Variants in ZBTB46 observed in about 807,000 individuals in gnomAD.
ZBTB46 encodes zinc finger and BTB domain-containing protein 46.
ZBTB46 carries 8 observed loss-of-function variants against 44.1 expected under a neutral mutation model. The observed-to-expected ratio is 0.18, with a 90% CI of 0.11 to 0.33. ZBTB46 has a LOEUF of 0.33. Among genes scored for constraint, ZBTB46 ranks in the 10% least tolerant of loss-of-function variants. The probability of loss-of-function intolerance (pLI) is 1.00; values close to 1 mark genes in which losing one functional copy is unlikely to be tolerated. For missense variants in ZBTB46, 651 were observed against 847.7 expected (o/e 0.77, Z 2.88); for synonymous variants, 409 against 382.3 (o/e 1.07, Z -0.81).
In ZBTB46 at chr20:63,746,717, A is replaced by C; in HGVS notation, c.*213T>G. 1 of 695,060 alleles carries C rather than the reference A, an allele frequency of 1.4e-6. No individual in the cohort carries two copies. The highest frequency in any genetic ancestry group is 2.2e-6 in the Non-Finnish European group (1 of 460,388). The allele number at this position is 695,060 out of a possible 1,614,324, so 43.1% of individuals were successfully genotyped here. The stretch of plus-strand genomic sequence containing the variant: ...CAAACCCACCCTGTGCCCTCCCCCA[A>C]CTCACTTCATGTCTGGTCCCAGAGC... On this transcript the variant is annotated 3_prime_UTR_variant, in exon 5 of 5. Coordinates refer to ENST00000245663, the MANE Select transcript of ZBTB46 (RefSeq NM_001369741.1).
Position 63,767,516 on chromosome 20 carries a change from C to T in ZBTB46, c.1222+8162G>A, listed in dbSNP as rs2092330494. Among the ~76,000 whole-genome samples, 1 of 152,240 alleles carries T rather than the reference C, an allele frequency of 6.6e-6. No individual in the cohort carries two copies. Among genetic ancestry groups the T allele is most frequent in the Admixed American group, 6.5e-5 (1 of 15,282 alleles). On this transcript the variant is annotated intron_variant, in intron 3 of 4. Coordinates refer to ENST00000245663, the MANE Select transcript of ZBTB46 (RefSeq NM_001369741.1). This position sits in a 1 kb window ranked among gnomAD's most constrained non-coding sequence, Gnocchi z 5.0. ...GCGGCTGTTCGGTCACCCAGTTCCC[C>T]TCCTGCTCCCACACACTTGAGAGCT...
At chr20:63,769,222 G>A (rs991976015) in intron 3 of ZBTB46, 1 of 985,292 alleles carries the variant, frequency 1.0e-6, no homozygotes. Context: ...AGTTGCCCCA[G>A]ACAAAGCTGG....
rs560753196 is a variant in ZBTB46 at position 63,761,307 on chromosome 20, A to G, written c.1223-8446T>C. ...AGCCACCACACTCACCCTGATATCTATTCTTTATTTCCCTTCTGTTACTTT... is the reference window on the plus strand; with the variant it reads ...AGCCACCACACTCACCCTGATATCTGTTCTTTATTTCCCTTCTGTTACTTT... On this transcript the variant is annotated intron_variant, in intron 3 of 4. Coordinates refer to ENST00000245663, the MANE Select transcript of ZBTB46 (RefSeq NM_001369741.1). Among the ~76,000 whole-genome samples, 62 of 152,110 alleles carry G rather than the reference A, an allele frequency of 4.1e-4. 1 individual carries two copies. Among genetic ancestry groups the G allele is most frequent in the South Asian group, 2.1e-4 (1 of 4,816 alleles).
intron 4 of ZBTB46, among the ~76,000 whole-genome samples, chr20:63,751,999 C>T (rs1286424430): frequency 6.6e-6 from 1 of 152,132 alleles, no homozygotes; most frequent in Non-Finnish European, 1.5e-5. Context: ...GAGCCCGGGG[C>T]GCCTCCACTG....
At chr20:63,764,764 G>A (rs1271733219) in intron 3 of ZBTB46, among the ~76,000 whole-genome samples, 3 of 151,314 alleles carry the variant, frequency 2.0e-5, no homozygotes, top group Admixed American at 6.6e-5. Flanking sequence ...CACCACACCC[G>A]GCTAATTTTG....
At chr20:63,805,645 T>A (rs2092676400) in intron 1 of ZBTB46, among the ~76,000 whole-genome samples, 1 of 151,844 alleles carries the variant, frequency 6.6e-6, no homozygotes, top group Non-Finnish European at 1.5e-5. Context: ...GTTCCAGCGC[T>A]GGACTCTGGA....
chr20:63,765,595 A>G (rs1211274980), intron 3 of ZBTB46, among the ~76,000 whole-genome samples: 1 of 152,122 alleles, frequency 6.6e-6, no homozygotes, highest in African/African-American at 2.4e-5. Context: ...CGCTCAGCTA[A>G]TTTTAAACTT....
At chr20:63,750,912 C>CA (rs1309077102) in intron 4 of ZBTB46, among the ~76,000 whole-genome samples, 1 of 151,102 alleles carries the variant, frequency 6.6e-6, no homozygotes, top group African/African-American at 2.4e-5. Context: ...AAAAAAAAAA[C>CA]AAAAAAACAA....
At chr20:63,827,066 CCACAGCAGTCCA>C (rs888392424) in intron 1 of ZBTB46, among the ~76,000 whole-genome samples, 8 of 152,044 alleles carry the variant, frequency 5.3e-5, no homozygotes, top group Admixed American at 2.6e-4. Context: ...ACAGCAGTCC[CCACAGCAGTCCA>C]CACAGCAGTC....
At chr20:63,830,495 CCCGGCGT>C (rs1234895403) in intron 1 of ZBTB46, among the ~76,000 whole-genome samples, 8 of 150,618 alleles carry the variant, frequency 5.3e-5, no homozygotes, top group Admixed American at 5.3e-4. Flanking sequence ...CAGGCCGGCG[CCCGGCGT>C]CCGGGGAGAC....
chr20:63,752,899 G>A lies in ZBTB46; in HGVS notation c.1223-38C>T. 6.4e-7 allele frequency: 1 copy of A among 1,562,320 alleles called. No individual in the cohort carries two copies. The highest frequency in any genetic ancestry group is 8.7e-7 in the Non-Finnish European group (1 of 1,149,684). ...GACCCGCGAGGCGTCAGCAGGGCTT[G>A]GGATGTACCGCCCTGCGGCCCACAG... On this transcript the variant is annotated intron_variant, in intron 3 of 4. Transcript: ENST00000245663. This position sits in a 1 kb window ranked among gnomAD's most constrained non-coding sequence, Gnocchi z 5.6.
In ZBTB46 at chr20:63,803,477, C is replaced by T. The variant is rs1247963518; in HGVS notation, c.-33-12687G>A. The T allele has an allele frequency of 1.1e-5, 11 of 985,210 alleles. No individual in the cohort carries two copies. The highest frequency in any genetic ancestry group is 2.3e-4 in the East Asian group (2 of 8,814). 61.0% of individuals were successfully genotyped at this position (985,210 alleles called of 1,614,324 possible). On this transcript the variant is annotated intron_variant, in intron 1 of 4. Transcript: ENST00000245663. This position sits in a 1 kb window ranked among gnomAD's most constrained non-coding sequence, Gnocchi z 4.0. ...TCTCCAGTGAGCAAGTGGGTGCTGG[C>T]GATGAGGACTTTAGGTTTTCCACAT... is the stretch of plus-strand genomic sequence containing the variant.
rs567285667 is a variant in ZBTB46 at position 63,767,238 on chromosome 20, C to T, written c.1222+8440G>A. On this transcript the variant is annotated intron_variant, in intron 3 of 4. Coordinates refer to ENST00000245663, the MANE Select transcript of ZBTB46 (RefSeq NM_001369741.1). The surrounding 1 kb of genome is among the most constrained non-coding windows in gnomAD (Gnocchi z 5.0). ...GTTGCTGGGTCGGAGCCACGTGGCT[C>T]CACTTCCCACGGATGGGGACATGTT... 4.6e-5 allele frequency among the ~76,000 whole-genome samples: 7 copies of T among 152,130 alleles called. No homozygotes were observed. Among genetic ancestry groups the T allele is most frequent in the Non-Finnish European group, 8.8e-5 (6 of 67,998 alleles).
intron 1 of ZBTB46, among the ~76,000 whole-genome samples, chr20:63,820,423 G>A (rs925694385): frequency 1.3e-5 from 2 of 150,316 alleles, no homozygotes; most frequent in Non-Finnish European, 3.0e-5. Flanking sequence ...CACTTTTTAA[G>A]AAGTATATTA....
rs1418536823 is a variant in ZBTB46 at position 63,831,237 on chromosome 20, C to G, written c.-174G>C. 2.8e-5 allele frequency: 4 copies of G among 141,404 alleles called. No homozygotes were observed. The highest frequency in any genetic ancestry group is 6.2e-5 in the Non-Finnish European group (4 of 64,160). The allele number at this position is 141,404 out of a possible 1,614,324, so 8.8% of individuals were successfully genotyped here. ...GCCGGGGCTGCTCGGTCCGTCCGTC[C>G]GTCCGTCGGTCCGTCAGGCCGGCGC... On this transcript the variant is annotated 5_prime_UTR_variant, in exon 1 of 5. Coordinates refer to ENST00000245663, the MANE Select transcript of ZBTB46 (RefSeq NM_001369741.1).
chr20:63,806,016 C>G (rs561332339), intron 1 of ZBTB46, among the ~76,000 whole-genome samples: 2 of 149,118 alleles, frequency 1.3e-5, no homozygotes, highest in South Asian at 4.5e-4. Flanking sequence ...CTCAGGTGCT[C>G]TACCCGCCTC....
chr20:63,768,307 T>C (rs2092337616), intron 3 of ZBTB46, among the ~76,000 whole-genome samples: 2 of 152,206 alleles, frequency 1.3e-5, no homozygotes, highest in South Asian at 2.1e-4. Context: ...TCCTAGCACT[T>C]TGGGAGACCA....
At chr20:63,782,047 A>C (rs1296167136) in intron 2 of ZBTB46, among the ~76,000 whole-genome samples, 2 of 144,554 alleles carry the variant, frequency 1.4e-5, no homozygotes, top group Admixed American at 7.4e-5. Flanking sequence ...AGATGGCGCC[A>C]CTGCACTCAG....
At chr20:63,766,267 G>A (rs1182685903) in intron 3 of ZBTB46, among the ~76,000 whole-genome samples, 1 of 136,940 alleles carries the variant, frequency 7.3e-6, no homozygotes, top group Non-Finnish European at 1.5e-5. Flanking sequence ...CCAGGCTGGA[G>A]TGCAATGGCA....
Sources: gnomAD v4.1 joint callset for allele counts (sites outside exome capture counted in the v4.1 genomes callset) on GRCh38, gnomAD v4.1.1 for gene constraint, Gnocchi (gnomAD v3.1) non-coding constraint, MANE v1.5 for transcripts, NCBI Gene and HGNC (gene_info 2026-07-23, HGNC 2026-07-21) for gene names.